Variants in BAZ1B observed in about 807,000 individuals in gnomAD.
BAZ1B encodes bromodomain adjacent to zinc finger domain 1B.
Under a neutral mutation model 153.8 loss-of-function variants are expected in BAZ1B, and 22 were observed. The observed-to-expected ratio is 0.14, with a 90% CI of 0.10 to 0.20. The LOEUF (loss-of-function observed/expected upper bound fraction) is 0.20, where lower values mean the gene tolerates loss of function less well. Among genes scored for constraint, BAZ1B ranks in the 10% least tolerant of loss-of-function variants. BAZ1B has a pLI of 1.00. For synonymous variants in BAZ1B, 676 were observed against 633.4 expected, an observed-to-expected ratio of 1.07 and a Z score of -1.01; for missense variants, 1,325 against 1,799.3, an observed-to-expected ratio of 0.74 and a Z score of 4.77.
At chr7:73,496,865 T>C (rs1198581829) in intron 4 of BAZ1B, among the ~76,000 whole-genome samples, 1 of 151,758 alleles carries the variant, frequency 6.6e-6, no homozygotes, top group East Asian at 1.9e-4. Flanking sequence ...CCAGGCACAG[T>C]GCGTCATACC....
intron 3 of BAZ1B, 78 bp from the exon 4 acceptor site, chr7:73,498,776 T>A (rs142087210): frequency 8.2e-6 from 10 of 1,214,638 alleles, no homozygotes; most frequent in South Asian, 2.6e-5. Context: ...TATCATCCAA[T>A]ATACATGCCT....
In BAZ1B at chr7:73,477,185, G is replaced by C; in HGVS notation, c.2276C>G (p.Thr759Arg). 6.2e-7 allele frequency: 1 copy of C among 1,614,218 alleles called. No homozygotes were observed. The highest frequency in any genetic ancestry group is 8.5e-7 in the Non-Finnish European group (1 of 1,180,046). Reference sequence around the variant, plus strand: ...CTCCATGTGGTCTTGCACTGAGTATGTCATGAGGATCCGGTGGCACAGTGC... The same window carrying C: ...CTCCATGTGGTCTTGCACTGAGTATCTCATGAGGATCCGGTGGCACAGTGC... ...LTALCHRILM[T>R]YSVQDHMETR... Residue 759 changes from threonine to arginine, a missense_variant, in exon 7 of 20, where the codon ACA becomes AGA. By Grantham distance (71) the Thr-to-Arg change is moderately conservative. This residue lies in a region of BAZ1B where 431 missense variants were observed against 563.5 expected (regional missense o/e 0.76). Transcript: ENST00000339594. This position sits in a 1 kb window ranked among gnomAD's most constrained non-coding sequence, Gnocchi z 5.6.
chr7:73,513,735 GC>G (rs1790678871), intron 1 of BAZ1B, among the ~76,000 whole-genome samples: 1 of 152,076 alleles, frequency 6.6e-6, no homozygotes, highest in East Asian at 1.9e-4. Flanking sequence ...ACATTATTTA[GC>G]CATATTTAAG....
chr7:73,454,857 T>A (rs966635569), intron 13 of BAZ1B, among the ~76,000 whole-genome samples: 1 of 152,096 alleles, frequency 6.6e-6, no homozygotes. Flanking sequence ...AGGCAAGAAC[T>A]TAAGGCTTTT....
chr7:73,508,541 C>T, intron 2 of BAZ1B, 70 bp from the exon 3 acceptor site: 2 of 1,466,148 alleles, frequency 1.4e-6, no homozygotes, highest in Non-Finnish European at 1.8e-6. Flanking sequence ...CAAGTCAATT[C>T]AAACATTTCT....
chr7:73,466,667 G>A (rs1554571200), intron 9 of BAZ1B, among the ~76,000 whole-genome samples: 1 of 152,130 alleles, frequency 6.6e-6, no homozygotes, highest in African/African-American at 2.4e-5. Context: ...AATGAAGAAT[G>A]ACTAAATATC....
At position 73,466,359 on chromosome 7, in the gene BAZ1B, T is replaced by C. The variant is rs782452484; in HGVS notation, c.2909A>G (p.Gln970Arg). 1 of 1,614,046 alleles carries C rather than the reference T, an allele frequency of 6.2e-7. No homozygotes were observed. Among genetic ancestry groups the C allele is most frequent in the East Asian group, 2.2e-5 (1 of 44,846 alleles). The change falls in exon 10 of 20, where the codon CAA becomes CGA. Residue 970 changes from glutamine to arginine, a missense_variant. Transcript: ENST00000339594. Reference sequence around the variant, plus strand: ...AGCAACTTCTGTTGCTGTTCCATGTTGTGTGTTCATGCTTGCATTTTTACC... The same window carrying C: ...AGCAACTTCTGTTGCTGTTCCATGTCGTGTGTTCATGCTTGCATTTTTACC... ...NLGKNASMNT[Q>R]HGTATEVAVE...
chr7:73,453,161 GT>G (rs1161401839), intron 13 of BAZ1B, among the ~76,000 whole-genome samples: 1 of 152,260 alleles, frequency 6.6e-6, no homozygotes, highest in Non-Finnish European at 1.5e-5. Flanking sequence ...GCAAAGAGCA[GT>G]GGAAAATTTC....
chr7:73,473,265 T>C (rs941521366), intron 7 of BAZ1B, among the ~76,000 whole-genome samples: 1 of 152,188 alleles, frequency 6.6e-6, no homozygotes, highest in Non-Finnish European at 1.5e-5. Context: ...AAAATGTTAA[T>C]ACAATGGCCA....
intron 1 of BAZ1B, among the ~76,000 whole-genome samples, chr7:73,519,916 T>C (rs1272840786): frequency 2.6e-5 from 4 of 151,984 alleles, no homozygotes; most frequent in East Asian, 1.9e-4. Flanking sequence ...TATTAAAAAG[T>C]AGGGTACTGG....
intron 6 of BAZ1B, among the ~76,000 whole-genome samples, chr7:73,488,714 CAAA>C (rs35812071): frequency 1.7e-5 from 1 of 59,256 alleles, no homozygotes. Flanking sequence ...GACTCCAACT[CAAA>C]AAAAAAAAAA....
Position 73,512,028 on chromosome 7 carries a change from C to CAAAAA in BAZ1B, c.108-1181_108-1177dup, listed in dbSNP as rs1168749967. On this transcript the variant is annotated intron_variant, in intron 1 of 19. Coordinates refer to ENST00000339594, the MANE Select transcript of BAZ1B (RefSeq NM_032408.4). ...GGGTGATAAGAGCGAAACTCCACCTCAAAAAAAAAAAAAAAAAAAAAAAAA... is the reference window on the plus strand; with the variant it reads ...GGGTGATAAGAGCGAAACTCCACCTCAAAAAAAAAAAAAAAAAAAAAAAAAAAAAA... Among the ~76,000 whole-genome samples, 41 of 34,746 alleles carry CAAAAA rather than the reference C, an allele frequency of 1.2e-3. 1 individual carries two copies. The highest frequency in any genetic ancestry group is 4.7e-3 in the African/African-American group (38 of 8,140). 22.8% of individuals were successfully genotyped at this position (34,746 alleles called of 152,430 possible). A position where few individuals can be genotyped will look rare whatever the true frequency, so the allele number is the denominator to read the frequency against.
chr7:73,478,490 T>C lies in BAZ1B; in HGVS notation c.971A>G (p.Asp324Gly). ...DRKPSKKSKT[D>G]NSSLSSPLNP... ...TAGTGGTGAACTAAGAGAAGAGTTGTCTGTCTTGGATTTCTTTGAGGGCTT... is the reference window on the plus strand; with the variant it reads ...TAGTGGTGAACTAAGAGAAGAGTTGCCTGTCTTGGATTTCTTTGAGGGCTT... Residue 324 changes from aspartate to glycine, a missense_variant, in exon 7 of 20, where the codon GAC becomes GGC. Coordinates refer to ENST00000339594, the MANE Select transcript of BAZ1B (RefSeq NM_032408.4). 8.7e-6 allele frequency: 14 copies of C among 1,607,974 alleles called. No individual in the cohort carries two copies. Among genetic ancestry groups the C allele is most frequent in the Non-Finnish European group, 1.2e-5 (14 of 1,177,422 alleles).
In BAZ1B at chr7:73,459,693, T is replaced by G; in HGVS notation, c.3275A>C (p.Asp1092Ala). The G allele has an allele frequency of 6.2e-7, 1 of 1,606,654 alleles. No individual in the cohort carries two copies. The highest frequency in any genetic ancestry group is 8.5e-7 in the Non-Finnish European group (1 of 1,177,854). Residue 1092 changes from aspartate (D) to alanine (A), a missense_variant, in exon 13 of 20, where the codon GAT (aspartate) becomes GCT (alanine). By Grantham distance (126) the Asp-to-Ala change is moderately radical. Around this residue, in one of 9 missense-constraint regions of BAZ1B, gnomAD observed 431 missense variants for 563.5 expected, o/e 0.76. Transcript: ENST00000339594. ...AAGGGCAATCACACACTCACCAAAA[T>G]CCTTCAATTTCTCTAATGAAATGAC... ...ARVISLEKLKDFGECVIALQA... is the reference protein window; with the variant it reads ...ARVISLEKLKAFGECVIALQA...
At chr7:73,476,805 T>A (rs1789016968) in intron 7 of BAZ1B, 63 bp downstream of exon 7, 5 of 1,528,920 alleles carry the variant, frequency 3.3e-6, no homozygotes, top group Admixed American at 4.5e-5. Flanking sequence ...ATTACCTCAG[T>A]AATTTCCTTT....
chr7:73,492,636 T>G (rs139761922), intron 5 of BAZ1B, among the ~76,000 whole-genome samples, 164 bp downstream of exon 5: 11 of 152,300 alleles, frequency 7.2e-5, no homozygotes, highest in African/African-American at 2.6e-4. Flanking sequence ...AAAATATAAT[T>G]TACATTAACT....
intron 6 of BAZ1B, among the ~76,000 whole-genome samples, chr7:73,487,187 G>C (rs1382524882): frequency 1.3e-5 from 2 of 152,142 alleles, no homozygotes; most frequent in East Asian, 3.8e-4. Context: ...GCCCCCACTA[G>C]AAATTCTGGG....
intron 11 of BAZ1B, among the ~76,000 whole-genome samples, chr7:73,463,533 C>G (rs1445779847): frequency 6.6e-6 from 1 of 152,034 alleles, no homozygotes; most frequent in Non-Finnish European, 1.5e-5. Context: ...GTGTGCACCA[C>G]CACACCCAGC....
At chr7:73,495,988 T>C (rs1273387987) in intron 4 of BAZ1B, among the ~76,000 whole-genome samples, 1 of 152,224 alleles carries the variant, frequency 6.6e-6, no homozygotes, top group Non-Finnish European at 1.5e-5. Context: ...CCTGCACTTC[T>C]ACCCTTGAAC....
Sources: gnomAD v4.1 joint callset for allele counts (sites outside exome capture counted in the v4.1 genomes callset) on GRCh38, gnomAD v4.1.1 for gene constraint, gnomAD v4.1.1 regional missense constraint, Gnocchi (gnomAD v3.1) non-coding constraint, MANE v1.5 for transcripts, NCBI Gene and HGNC (gene_info 2026-07-23, HGNC 2026-07-21) for gene names.